The following AKAP13 variants were observed in gnomAD, a reference collection of about 807,000 sequenced individuals.
AKAP13 encodes A-kinase anchoring protein 13.
In AKAP13, 80 loss-of-function variants were observed where a neutral mutation model predicts 264.5. The ratio of observed to expected loss-of-function variants is 0.30; its 90% CI spans 0.25 to 0.36. AKAP13 has a LOEUF of 0.36. AKAP13 is among the 10% of genes least tolerant of loss of function. The probability of loss-of-function intolerance (pLI) is 1.00; values close to 1 mark genes in which losing one functional copy is unlikely to be tolerated. For missense variants in AKAP13, 3,712 were observed against 3,435.2 expected (o/e 1.08, Z -2.01); for synonymous variants, 1,380 against 1,250.2 (o/e 1.10, Z -2.19).
intron 8 of AKAP13, among the ~76,000 whole-genome samples, chr15:85,617,935 A>G (rs1041111296): frequency 1.3e-5 from 2 of 152,174 alleles, no homozygotes; most frequent in Admixed American, 6.5e-5. Flanking sequence ...TCTTGTTTCT[A>G]CTGTTTTGTA....
At chr15:85,394,369 AAAGACCTGGGTCATGTAATGC>A (rs1190899405) in intron 1 of AKAP13, among the ~76,000 whole-genome samples, 3 of 152,210 alleles carry the variant, frequency 2.0e-5, no homozygotes, top group Non-Finnish European at 4.4e-5. Flanking sequence ...ATGGTTGGGG[AAAGACCTGGGTCATGTAATGC>A]AACTTTCTCT....
chr15:85,688,602 A>C (rs773178432), intron 16 of AKAP13, among the ~76,000 whole-genome samples: 4 of 152,222 alleles, frequency 2.6e-5, no homozygotes, highest in Non-Finnish European at 5.9e-5. Flanking sequence ...CAGTTGTATA[A>C]TTGTGATGAT....
chr15:85,424,939 C>A (rs2072699662), intron 1 of AKAP13, among the ~76,000 whole-genome samples: 1 of 152,172 alleles, frequency 6.6e-6, no homozygotes, highest in Non-Finnish European at 1.5e-5. Flanking sequence ...AGAACATACA[C>A]AACATTTATT....
At position 85,527,137 on chromosome 15, in the gene AKAP13, TG is replaced by T. The variant is rs386785960; in HGVS notation, c.181+5563del. Among the ~76,000 whole-genome samples the T allele has an allele frequency of 9.1e-4, 138 of 152,080 alleles. 1 individual carries two copies. The highest frequency in any genetic ancestry group is 1.2e-3 in the East Asian group (6 of 5,178). On this transcript the variant is annotated intron_variant, in intron 3 of 36. Transcript: ENST00000394518. ...GCCACCACGCCCGGCTAAGTTTTTGTGTTTTTTAGTAGAGACGGGGTTTCAC... is the reference window on the plus strand; with the variant it reads ...GCCACCACGCCCGGCTAAGTTTTTGTTTTTTTAGTAGAGACGGGGTTTCAC...
At chr15:85,496,061 CCAGCACTTAATACA>C (rs2075864271) in intron 2 of AKAP13, among the ~76,000 whole-genome samples, 2 of 152,174 alleles carry the variant, frequency 1.3e-5, no homozygotes, top group African/African-American at 4.8e-5. Flanking sequence ...GGAAACATGG[CCAGCACTTAATACA>C]CATTACCTGA....
intron 30 of AKAP13, among the ~76,000 whole-genome samples, chr15:85,732,606 T>A (rs1298365408): frequency 1.3e-5 from 2 of 150,080 alleles, no homozygotes; most frequent in Non-Finnish European, 3.0e-5. Context: ...TAACTAAACC[T>A]ATTTAGTATT....
chr15:85,580,060 C>T lies in AKAP13; in HGVS notation c.1992C>T (p.Asp664=), dbSNP rs2079121937. Residue 664 remains aspartate, a synonymous_variant, in exon 7 of 37, where the codon GAC becomes GAT. Coordinates refer to ENST00000394518, the MANE Select transcript of AKAP13 (RefSeq NM_007200.5). ...CTGGAGACGATAAACTTTGTGCAGACTCTGCATGTCAACAGAACACAGTGA... is the reference window on the plus strand; with the variant it reads ...CTGGAGACGATAAACTTTGTGCAGATTCTGCATGTCAACAGAACACAGTGA... ...STTGDDKLCA[D]SACQQNTVTS... 6.2e-7 allele frequency: 1 copy of T among 1,614,214 alleles called. No homozygotes were observed. The highest frequency in any genetic ancestry group is 2.2e-5 in the East Asian group (1 of 44,888).
At chr15:85,447,387 T>A (rs1480284225) in intron 1 of AKAP13, among the ~76,000 whole-genome samples, 1 of 152,164 alleles carries the variant, frequency 6.6e-6, no homozygotes, top group African/African-American at 2.4e-5. Context: ...AAAATTTTAT[T>A]TTAGGTTTGG....
At chr15:85,561,050 GAT>G (rs2078353263) in intron 5 of AKAP13, among the ~76,000 whole-genome samples, 2 of 127,106 alleles carry the variant, frequency 1.6e-5, no homozygotes, top group African/African-American at 5.5e-5. Context: ...TGGATGTAAG[GAT>G]TTTTTTTTTT....
intron 17 of AKAP13, 87 bp from the exon 18 acceptor site, chr15:85,707,932 C>T (rs2086401501): frequency 2.2e-6 from 3 of 1,345,740 alleles, no homozygotes; most frequent in Non-Finnish European, 3.2e-6. Context: ...CTTTGAAATT[C>T]AGAGGCCACT....
At chr15:85,593,031 T>G (rs955911357) in intron 8 of AKAP13, among the ~76,000 whole-genome samples, 1 of 151,812 alleles carries the variant, frequency 6.6e-6, no homozygotes, top group Non-Finnish European at 1.5e-5. Context: ...ATGAAATGAT[T>G]AGAATAATTT....
intron 8 of AKAP13, among the ~76,000 whole-genome samples, chr15:85,610,863 C>T (rs1235535915): frequency 3.3e-5 from 5 of 152,180 alleles, no homozygotes; most frequent in Non-Finnish European, 7.3e-5. Flanking sequence ...CTTGTAATCC[C>T]AGCTACTTGG....
chr15:85,393,026 C>G (rs749371743), intron 1 of AKAP13, among the ~76,000 whole-genome samples: 1 of 152,156 alleles, frequency 6.6e-6, no homozygotes, highest in Non-Finnish European at 1.5e-5. Context: ...AAAACATACT[C>G]AGTGATTTGG....
At chr15:85,477,954 G>A (rs879774693) in intron 1 of AKAP13, among the ~76,000 whole-genome samples, 1 of 152,036 alleles carries the variant, frequency 6.6e-6, no homozygotes, top group Admixed American at 6.6e-5. Context: ...GTCATATCTG[G>A]CGCGTGCTGT....
chr15:85,619,781 A>C, intron 8 of AKAP13: 2 of 1,079,094 alleles, frequency 1.9e-6, no homozygotes, highest in South Asian at 8.4e-5. Context: ...CTTCTCTTTC[A>C]GTCAAGATCT....
At chr15:85,690,316 A>G (rs1470284335) in intron 16 of AKAP13, among the ~76,000 whole-genome samples, 2 of 152,268 alleles carry the variant, frequency 1.3e-5, no homozygotes, top group African/African-American at 2.4e-5. Context: ...CGATTGAAGT[A>G]TAATTTAACT....
chr15:85,605,634 A>T (rs1402397246), intron 8 of AKAP13, among the ~76,000 whole-genome samples: 1 of 152,218 alleles, frequency 6.6e-6, no homozygotes, highest in Non-Finnish European at 1.5e-5. Context: ...GGAACTTAAA[A>T]TAAAATTGTT....
intron 9 of AKAP13, among the ~76,000 whole-genome samples, chr15:85,642,864 G>A (rs532405871): frequency 1.2e-4 from 18 of 152,260 alleles, no homozygotes; most frequent in South Asian, 4.1e-4. Context: ...GCAGCTCAGC[G>A]TAGTTGCTGT....
intron 1 of AKAP13, among the ~76,000 whole-genome samples, chr15:85,412,234 G>T (rs1444354881): frequency 6.6e-6 from 1 of 152,160 alleles, no homozygotes; most frequent in Non-Finnish European, 1.5e-5. Flanking sequence ...TCTTTAAGAA[G>T]CTACCACTTG....
Sources: gnomAD v4.1 joint callset for allele counts (sites outside exome capture counted in the v4.1 genomes callset) on GRCh38, gnomAD v4.1.1 for gene constraint, MANE v1.5 for transcripts, NCBI Gene and HGNC (gene_info 2026-07-23, HGNC 2026-07-21) for gene names.